The following TENM1 variants were observed in gnomAD, a reference collection of about 807,000 sequenced individuals.
TENM1 encodes teneurin-1.
In TENM1, 35 loss-of-function variants were observed where a neutral mutation model predicts 174.8. That is an observed-to-expected ratio of 0.20 (90% CI 0.15 to 0.27). The LOEUF is 0.27. TENM1 is among the 10% of genes least tolerant of loss of function. TENM1 has a pLI of 1.00. For missense variants in TENM1, 1,633 were observed against 2,130.1 expected (o/e 0.77, Z 4.59); for synonymous variants, 781 against 798.7 (o/e 0.98, Z 0.37).
intron 11 of TENM1, among the ~76,000 whole-genome samples, chrX:124,572,919 T>G (rs1430175946): frequency 9.0e-6 from 1 of 111,508 alleles, no homozygotes; most frequent in Non-Finnish European, 1.9e-5. Flanking sequence ...TTAATATCAT[T>G]AGAATGTCAA....
intron 3 of TENM1, among the ~76,000 whole-genome samples, chrX:124,887,194 AC>A (rs2057404723): frequency 1.8e-5 from 2 of 111,273 alleles, no homozygotes; most frequent in Admixed American, 9.6e-5. Context: ...ATATCAAAAC[AC>A]TGGAAATCTA....
At chrX:125,200,279 A>G in the TENM1 span, among the ~76,000 whole-genome samples, 1 of 111,799 alleles carries the variant, frequency 8.9e-6, no homozygotes, top group Non-Finnish European at 1.9e-5. Flanking sequence ...TTAATCTAAC[A>G]CTCAGAAGCT....
intron 11 of TENM1, among the ~76,000 whole-genome samples, chrX:124,613,514 A>AGT (rs1196696175): frequency 8.9e-6 from 1 of 112,026 alleles, no homozygotes; most frequent in Non-Finnish European, 1.9e-5. Context: ...ATGAAGAGAC[A>AGT]GTGGCAAATG....
At position 124,609,198 on chromosome X, in the gene TENM1, C is replaced by T. The variant is rs5956667; in HGVS notation, c.2077+32593G>A. On this transcript the variant is annotated intron_variant, in intron 11 of 31. Transcript: ENST00000422452. Reference sequence around the variant, plus strand: ...CCCATTTCCCCTAAGGGCCATAGATCGTACAAGTTGGCAGATCAAATAAGG... The same window carrying T: ...CCCATTTCCCCTAAGGGCCATAGATTGTACAAGTTGGCAGATCAAATAAGG... Among the ~76,000 whole-genome samples the T allele has an allele frequency of 3.5e-3, 394 of 111,191 alleles. 1 individual carries two copies. The highest frequency in any genetic ancestry group is 0.012 in the African/African-American group (358 of 30,621).
At chrX:124,603,992 T>C (rs1326797978) in intron 11 of TENM1, among the ~76,000 whole-genome samples, 1 of 111,715 alleles carries the variant, frequency 9.0e-6, no homozygotes, top group Non-Finnish European at 1.9e-5. Flanking sequence ...TTACACCTTA[T>C]GTAGTAGTTG....
chrX:124,961,123 A>G (rs989283779), intron 1 of TENM1, among the ~76,000 whole-genome samples: 1 of 112,228 alleles, frequency 8.9e-6, no homozygotes, highest in African/African-American at 3.2e-5. Flanking sequence ...TAATTAGAGT[A>G]CTGTAATTTT....
the TENM1 span, among the ~76,000 whole-genome samples, chrX:125,108,652 G>A: frequency 9.2e-6 from 1 of 109,014 alleles, no homozygotes; most frequent in East Asian, 2.9e-4. Context: ...AGCCAAGATC[G>A]TGCCACTGCA....
chrX:124,917,101 A>T lies in TENM1; in HGVS notation c.218-20860T>A, dbSNP rs187686111. On this transcript the variant is annotated intron_variant, in intron 1 of 31. Transcript: ENST00000422452. ...TTAAATGTTTACTGAAAGCAGGCAG[A>T]AGAGGATCTCTTTCCTTTTAGTTAG... Among the ~76,000 whole-genome samples the T allele has an allele frequency of 1.0e-2, 1,115 of 111,666 alleles. 12 individuals carry two copies. Among genetic ancestry groups the T allele is most frequent in the African/African-American group, 0.035 (1,059 of 30,667 alleles).
intron 18 of TENM1, among the ~76,000 whole-genome samples, chrX:124,507,216 A>G (rs1213634012): frequency 1.8e-5 from 2 of 111,682 alleles, no homozygotes; most frequent in Non-Finnish European, 3.8e-5. Context: ...TACACTTCCC[A>G]GGGGTTAGCA....
chrX:124,865,233 T>C (rs1336782905), intron 3 of TENM1, among the ~76,000 whole-genome samples: 1 of 111,856 alleles, frequency 8.9e-6, no homozygotes, highest in African/African-American at 3.2e-5. Flanking sequence ...ACTGTAACTG[T>C]GGTGTGTAAA....
chrX:124,571,731 C>G (rs978151017), intron 11 of TENM1, among the ~76,000 whole-genome samples: 13 of 111,213 alleles, frequency 1.2e-4, no homozygotes, highest in African/African-American at 4.2e-4. Context: ...TTCCAGAAAA[C>G]AAATGGACGT....
At chrX:124,512,555 G>A (rs1450338695) in intron 18 of TENM1, among the ~76,000 whole-genome samples, 2 of 111,084 alleles carry the variant, frequency 1.8e-5, no homozygotes, top group Non-Finnish European at 3.8e-5. Context: ...ATTGTACTTG[G>A]ATTAATCAAT....
the TENM1 span, among the ~76,000 whole-genome samples, chrX:125,058,798 A>G: frequency 9.0e-6 from 1 of 110,890 alleles, no homozygotes; most frequent in Non-Finnish European, 1.9e-5. Context: ...CTGGGGTGAG[A>G]GTGACTTTCC....
At chrX:124,907,354 G>A (rs2057765227) in intron 1 of TENM1, among the ~76,000 whole-genome samples, 1 of 112,328 alleles carries the variant, frequency 8.9e-6, no homozygotes, top group Non-Finnish European at 1.9e-5. Context: ...GATTGGTACA[G>A]ACTAATGCAA....
chrX:124,749,515 G>A (rs1201336509), intron 3 of TENM1, among the ~76,000 whole-genome samples: 1 of 111,892 alleles, frequency 8.9e-6, no homozygotes, highest in Non-Finnish European at 1.9e-5. Context: ...TATTCACTGG[G>A]CCAAGCTGCA....
chrX:124,944,213 C>A (rs1307586808), intron 1 of TENM1, among the ~76,000 whole-genome samples: 1 of 111,063 alleles, frequency 9.0e-6, no homozygotes, highest in African/African-American at 3.3e-5. Context: ...AAAATAGGAA[C>A]TCATACAAGG....
chrX:124,951,791 A>G (rs2058493095), intron 1 of TENM1, among the ~76,000 whole-genome samples: 1 of 108,356 alleles, frequency 9.2e-6, no homozygotes, highest in African/African-American at 3.3e-5. Flanking sequence ...ATATTCACTG[A>G]ATACATATTA....
At chrX:124,430,315 A>G (rs2060765752) in intron 23 of TENM1, among the ~76,000 whole-genome samples, 1 of 111,800 alleles carries the variant, frequency 8.9e-6, no homozygotes, top group African/African-American at 3.3e-5. Flanking sequence ...AAAGGCTTCA[A>G]TGCACTAGAA....
At chrX:124,956,179 C>T (rs1450132726) in intron 1 of TENM1, among the ~76,000 whole-genome samples, 1 of 111,788 alleles carries the variant, frequency 8.9e-6, no homozygotes, top group Non-Finnish European at 1.9e-5. Context: ...TCTAGACCCC[C>T]ATGGTACTTT....
Sources: gnomAD v4.1 joint callset for allele counts (sites outside exome capture counted in the v4.1 genomes callset) on GRCh38, gnomAD v4.1.1 for gene constraint, MANE v1.5 for transcripts, NCBI Gene and HGNC (gene_info 2026-07-23, HGNC 2026-07-21) for gene names.